The following TMEM132D variants were observed in gnomAD, a reference collection of about 807,000 sequenced individuals.
TMEM132D encodes the protein transmembrane protein 132D, also known as mature OL transmembrane protein.
A neutral mutation model predicts 62.3 loss-of-function variants in TMEM132D; 21 were observed. The ratio of observed to expected loss-of-function variants is 0.34; its 90% CI spans 0.24 to 0.49. TMEM132D has a LOEUF of 0.49. Among genes scored for constraint, TMEM132D ranks in the 20% least tolerant of loss-of-function variants. The pLI, the probability that TMEM132D is intolerant of heterozygous loss-of-function variation, is 0.99. For synonymous variants in TMEM132D, 621 were observed against 575.6 expected (o/e 1.08, Z -1.13); for missense variants, 1,346 against 1,402.8 (o/e 0.96, Z 0.65).
chr12:129,709,735 G>A (rs902728972), intron 1 of TMEM132D, among the ~76,000 whole-genome samples: 1 of 152,128 alleles, frequency 6.6e-6, no homozygotes, highest in Non-Finnish European at 1.5e-5. Context: ...TGACCTAGTG[G>A]CCTGAAGCAG....
intron 2 of TMEM132D, among the ~76,000 whole-genome samples, chr12:129,588,381 C>T (rs1225893066): frequency 6.6e-6 from 1 of 152,142 alleles, no homozygotes; most frequent in Non-Finnish European, 1.5e-5. Context: ...AGACCTGAAT[C>T]ACTCGTCAAT....
rs1211039658 is a variant in TMEM132D, at chr12:129,072,137, A to C, written c.*1738T>G. On this transcript the variant is annotated 3_prime_UTR_variant, in exon 9 of 9. Transcript: ENST00000422113. ...AGAAGGAGTAAAGACACACACTCAA[A>C]ATTACAGAGATGAGATGGAGAGGAA... 3.7e-5 allele frequency: 3 copies of C among 80,368 alleles called. No homozygotes were observed. The highest frequency in any genetic ancestry group is 7.3e-5 in the Non-Finnish European group (3 of 41,086). 5.0% of individuals were successfully genotyped at this position (80,368 alleles called of 1,614,324 possible).
intron 5 of TMEM132D, chr12:129,170,347 G>A (rs1462463473): frequency 6.6e-6 from 1 of 152,170 alleles, no homozygotes; most frequent in Non-Finnish European, 1.5e-5. Flanking sequence ...TGTTGATACA[G>A]GCACACCTTG....
chr12:129,559,486 C>T (rs796371687), intron 2 of TMEM132D, among the ~76,000 whole-genome samples: 14 of 152,262 alleles, frequency 9.2e-5, no homozygotes, highest in African/African-American at 2.2e-4. Context: ...AATGGGAAGA[C>T]GCTGGTTATT....
chr12:129,416,824 T>C lies in TMEM132D; in HGVS notation c.1116-79007A>G, dbSNP rs145798466. On this transcript the variant is annotated intron_variant, in intron 3 of 8. Coordinates refer to ENST00000422113, the MANE Select transcript of TMEM132D (RefSeq NM_133448.3). ...AACATGTGGTTTTTGTCATTGGTTC[T>C]GTTTATGTGATGGATTATGTTTACT... is the stretch of plus-strand genomic sequence containing the variant. Among the ~76,000 whole-genome samples, 1,262 of 152,358 alleles carry C rather than the reference T, an allele frequency of 8.3e-3. 11 individuals carry two copies. Among genetic ancestry groups the C allele is most frequent in the South Asian group, 0.021 (103 of 4,830 alleles).
chr12:129,331,177 G>A (rs1489367803), intron 4 of TMEM132D, among the ~76,000 whole-genome samples: 20 of 152,284 alleles, frequency 1.3e-4, no homozygotes, highest in Non-Finnish European at 1.5e-5. Flanking sequence ...TCAGAATCAC[G>A]TTTGAGAAAG....
At chr12:129,759,014 A>G (rs921099550) in intron 1 of TMEM132D, among the ~76,000 whole-genome samples, 2 of 151,396 alleles carry the variant, frequency 1.3e-5, no homozygotes, top group African/African-American at 4.9e-5. Context: ...GCTCACTGCA[A>G]CCTCTGCCTC....
chr12:129,489,444 T>C (rs1302463016), intron 3 of TMEM132D, among the ~76,000 whole-genome samples: 2 of 152,228 alleles, frequency 1.3e-5, no homozygotes, highest in African/African-American at 4.8e-5. Context: ...TGTAAGCTTT[T>C]TTCTCCTGGG....
intron 3 of TMEM132D, among the ~76,000 whole-genome samples, chr12:129,435,371 T>C (rs1872761974): frequency 6.6e-6 from 1 of 152,196 alleles, no homozygotes; most frequent in African/African-American, 2.4e-5. Context: ...GCATACCATT[T>C]TTTAATTTTT....
rs1874121150 is a variant in TMEM132D, at chr12:129,072,970, C to T, written c.*905G>A. On this transcript the variant is annotated 3_prime_UTR_variant, in exon 9 of 9. Transcript: ENST00000422113. ...TGTCACTTGGGAGTTGACACAAAAC[C>T]CAGGGGGAGAAAAAAGACCCAGCAA... is the stretch of plus-strand genomic sequence containing the variant. 6.6e-6 allele frequency: 1 copy of T among 152,106 alleles called. No homozygotes were observed. The highest frequency in any genetic ancestry group is 1.5e-5 in the Non-Finnish European group (1 of 68,048). 9.4% of individuals were successfully genotyped at this position (152,106 alleles called of 1,614,324 possible).
chr12:129,796,548 C>CA lies in TMEM132D; in HGVS notation c.80-95851dup, dbSNP rs537703498. Among the ~76,000 whole-genome samples, 240 of 151,636 alleles carry CA rather than the reference C, an allele frequency of 1.6e-3. 6 individuals are homozygous for CA. The South Asian group carries it at 0.047, about 30-fold the overall frequency. ...TAATCCATGGAATACTAGGCAGCCA[C>CA]AAAAAAAAGAAAGAGTTCATGTCCT... On this transcript the variant is annotated intron_variant, in intron 1 of 8. Transcript: ENST00000422113.
chr12:129,382,142 C>A (rs1293055607), intron 3 of TMEM132D, among the ~76,000 whole-genome samples: 1 of 152,188 alleles, frequency 6.6e-6, no homozygotes, highest in African/African-American at 2.4e-5. Flanking sequence ...TTAAATTCAG[C>A]AGTCCATTTA....
At chr12:129,755,974 C>G (rs769045791) in intron 1 of TMEM132D, among the ~76,000 whole-genome samples, 5 of 152,294 alleles carry the variant, frequency 3.3e-5, no homozygotes, top group Admixed American at 6.5e-5. Flanking sequence ...TGAATAAAAT[C>G]AAGAACAAGT....
At chr12:129,519,678 G>T (rs991616591) in intron 3 of TMEM132D, among the ~76,000 whole-genome samples, 1 of 150,852 alleles carries the variant, frequency 6.6e-6, no homozygotes, top group African/African-American at 2.4e-5. Flanking sequence ...GTGCAATCTC[G>T]GCTCACTGCA....
intron 1 of TMEM132D, among the ~76,000 whole-genome samples, chr12:129,871,281 G>A (rs958203151): frequency 8.5e-5 from 13 of 152,212 alleles, no homozygotes; most frequent in South Asian, 4.2e-4. Context: ...TGAAGTTGCT[G>A]GGAGGATGGA....
chr12:129,896,566 G>C (rs1181461115), intron 1 of TMEM132D, among the ~76,000 whole-genome samples: 1 of 152,166 alleles, frequency 6.6e-6, no homozygotes, highest in Non-Finnish European at 1.5e-5. Context: ...AAATCTGACA[G>C]ACATCTTCTT....
At chr12:129,754,453 A>G (rs549003754) in intron 1 of TMEM132D, among the ~76,000 whole-genome samples, 1 of 152,276 alleles carries the variant, frequency 6.6e-6, no homozygotes, top group Non-Finnish European at 1.5e-5. Flanking sequence ...CTGTTACCAA[A>G]AGAGTTCATG....
intron 5 of TMEM132D, among the ~76,000 whole-genome samples, chr12:129,132,280 A>T (rs11060154): frequency 0.018 from 2,738 of 152,318 alleles, 164 homozygotes; most frequent in East Asian, 0.16. Context: ...ATACATAAGG[A>T]AGATCTTGTT....
In TMEM132D at chr12:129,287,736, A is replaced by G. The variant is rs532148317; in HGVS notation, c.1299+49898T>C. Among the ~76,000 whole-genome samples, 765 of 68,546 alleles carry G rather than the reference A, an allele frequency of 0.011. 18 individuals carry two copies. In the Admixed American group the frequency reaches 0.11, roughly 10 times the overall value. 45.0% of individuals were successfully genotyped at this position (68,546 alleles called of 152,430 possible). On this transcript the variant is annotated intron_variant, in intron 4 of 8. Transcript: ENST00000422113. ...GCCCAGCAAAACTTTCATGGTATTC[A>G]TGTTAAAAAAGGTTGATCTTTTGTG...
Sources: allele counts gnomAD v4.1 joint callset (sites outside exome capture counted in the v4.1 genomes callset), GRCh38; gene constraint gnomAD v4.1.1; transcripts MANE v1.5; gene names NCBI Gene and HGNC (gene_info 2026-07-23, HGNC 2026-07-21).